PLB1: variants seen among roughly 807,000 people sequenced by gnomAD.
PLB1 encodes phospholipase B1, membrane-associated.
PLB1 carries 242 observed loss-of-function variants against 227.4 expected under a neutral mutation model. That is an observed-to-expected ratio of 1.06 (90% CI 0.96 to 1.18). The LOEUF is 1.18. PLB1 is among the 50% of genes most tolerant of loss of function. The pLI is 0.00. For synonymous variants in PLB1, 757 were observed against 682.2 expected (o/e 1.11, Z -1.71); for missense variants, 1,858 against 1,816.3 (o/e 1.02, Z -0.42).
chr2:28,531,368 A>G (rs1354086392), intron 8 of PLB1, among the ~76,000 whole-genome samples: 2 of 152,018 alleles, frequency 1.3e-5, no homozygotes, highest in Non-Finnish European at 2.9e-5. Context: ...CTGGAGTGCA[A>G]TGGTGCGATC....
chr2:28,638,301 G>A (rs1469446438), intron 56 of PLB1, among the ~76,000 whole-genome samples: 10 of 152,062 alleles, frequency 6.6e-5, no homozygotes, highest in Admixed American at 6.6e-4. Context: ...GGGTTGCCAG[G>A]CAGAGGAAAT....
intron 13 of PLB1, 100 bp from the exon 14 acceptor site, chr2:28,543,112 C>T: frequency 7.8e-7 from 1 of 1,287,642 alleles, no homozygotes; most frequent in South Asian, 1.4e-5. Context: ...ACAGATCAGG[C>T]TGCCCCAACT....
intron 13 of PLB1, among the ~76,000 whole-genome samples, chr2:28,542,176 C>T (rs1331246232): frequency 6.6e-6 from 1 of 151,910 alleles, no homozygotes; most frequent in Non-Finnish European, 1.5e-5. Flanking sequence ...GGGGAGGAGG[C>T]CTGGGCCATA....
chr2:28,606,334 G>A lies in PLB1; in HGVS notation c.3058-162G>A, dbSNP rs184328495. Among the ~76,000 whole-genome samples the A allele has an allele frequency of 6.4e-3, 982 of 152,334 alleles. 5 individuals are homozygous for A. Among genetic ancestry groups the A allele is most frequent in the Middle Eastern group, 0.014 (4 of 294 alleles). On this transcript the variant is annotated intron_variant, in intron 42 of 57. Coordinates refer to ENST00000327757, the MANE Select transcript of PLB1 (RefSeq NM_153021.5). ...CTACTCCCAGAGAAGCAAAGCGACT[G>A]GCCCAAAACCCCACGGCTGGCAACT...
chr2:28,550,060 GC>G lies in PLB1; in HGVS notation c.1060del (p.Gln354ArgfsTer9), dbSNP rs768731299. ...YRNSNYLTRL[Q>X]KPQDKLEVRE... ...GAAACAGCAACTACCTGACCAGACT[GC>G]AGAAACCCCAAGACAAGCTTGAGGT... On this transcript the variant is annotated frameshift_variant, in exon 16 of 58. Transcript: ENST00000327757. LOFTEE classifies it high-confidence loss of function. The G allele has an allele frequency of 6.2e-7, 1 of 1,612,986 alleles. No individual in the cohort carries two copies. Among genetic ancestry groups the G allele is most frequent in the South Asian group, 1.1e-5 (1 of 90,970 alleles).
chr2:28,634,592 G>A (rs1449662936), intron 56 of PLB1, among the ~76,000 whole-genome samples: 3 of 152,140 alleles, frequency 2.0e-5, no homozygotes, highest in Non-Finnish European at 1.5e-5. Flanking sequence ...AGAGTCCATT[G>A]GTTTCTTTTC....
intron 44 of PLB1, among the ~76,000 whole-genome samples, chr2:28,614,568 G>A (rs1043440954): frequency 1.3e-5 from 2 of 152,140 alleles, no homozygotes; most frequent in Admixed American, 6.5e-5. Context: ...TAGTGCTGAG[G>A]ATTCAGAGCC....
At chr2:28,623,650 T>G (rs1261189536) in intron 49 of PLB1, among the ~76,000 whole-genome samples, 1 of 152,196 alleles carries the variant, frequency 6.6e-6, no homozygotes, top group Non-Finnish European at 1.5e-5. Context: ...CCCAAAGATT[T>G]TCAGTGGCCA....
At chr2:28,534,671 T>C (rs774821968) in intron 9 of PLB1, among the ~76,000 whole-genome samples, 4 of 152,018 alleles carry the variant, frequency 2.6e-5, no homozygotes, top group Non-Finnish European at 1.5e-5. Flanking sequence ...CTGGCCAATA[T>C]GGTGAAACCC....
Position 28,503,499 on chromosome 2 carries a change from A to G in PLB1, c.55+7330A>G, listed in dbSNP as rs191408446. Among the ~76,000 whole-genome samples, 384 of 152,050 alleles carry G rather than the reference A, an allele frequency of 2.5e-3. 3 individuals are homozygous for G. The highest frequency in any genetic ancestry group is 8.7e-3 in the African/African-American group (362 of 41,462). Reference sequence around the variant, plus strand: ...GTTCTCTATTGAGGCATAGCAAACTACCCCCAAATCTCAGTGACTTACAGT... The same window carrying G: ...GTTCTCTATTGAGGCATAGCAAACTGCCCCCAAATCTCAGTGACTTACAGT... On this transcript the variant is annotated intron_variant, in intron 1 of 57. Coordinates refer to ENST00000327757, the MANE Select transcript of PLB1 (RefSeq NM_153021.5).
chr2:28,566,962 A>AG, intron 20 of PLB1, 123 bp downstream of exon 20: 1 of 937,532 alleles, frequency 1.1e-6, no homozygotes, highest in Non-Finnish European at 1.5e-6. Flanking sequence ...TAAATTCACC[A>AG]GGGGGCGCTG....
intron 32 of PLB1, among the ~76,000 whole-genome samples, 200 bp from the exon 33 acceptor site, chr2:28,593,481 C>G (rs111984682): frequency 3.9e-5 from 6 of 152,180 alleles, no homozygotes. Context: ...CTCAGCTCAG[C>G]GAGGAGGCAG....
intron 14 of PLB1, among the ~76,000 whole-genome samples, chr2:28,544,484 A>G (rs1028054247): frequency 1.3e-5 from 2 of 152,214 alleles, no homozygotes; most frequent in African/African-American, 4.8e-5. Flanking sequence ...AGGTACCACC[A>G]TACCACCTTG....
At chr2:28,533,451 A>G (rs1023831914) in intron 9 of PLB1, among the ~76,000 whole-genome samples, 3 of 152,196 alleles carry the variant, frequency 2.0e-5, no homozygotes, top group Non-Finnish European at 2.9e-5. Flanking sequence ...GTATGCATTC[A>G]TGCATTGACA....
intron 1 of PLB1, among the ~76,000 whole-genome samples, chr2:28,500,086 C>T (rs1166973691): frequency 6.6e-6 from 1 of 152,176 alleles, no homozygotes; most frequent in Non-Finnish European, 1.5e-5. Flanking sequence ...CTCCTTTTAT[C>T]TGCTAATGTT....
intron 5 of PLB1, 104 bp downstream of exon 5, chr2:28,525,411 T>G: frequency 7.7e-7 from 1 of 1,298,050 alleles, no homozygotes; most frequent in South Asian, 1.3e-5. Flanking sequence ...GGAGGCTCAG[T>G]GCCTTGCTCA....
intron 1 of PLB1, among the ~76,000 whole-genome samples, chr2:28,502,730 T>C (rs1667238148): frequency 6.6e-6 from 1 of 152,226 alleles, no homozygotes; most frequent in Admixed American, 6.5e-5. Context: ...TACCAATGTT[T>C]TACAGTCTCA....
In PLB1 at chr2:28,589,684, C is replaced by T; in HGVS notation, c.1930C>T (p.Pro644Ser). The T allele has an allele frequency of 1.2e-6, 2 of 1,614,018 alleles. No individual in the cohort carries two copies. Among genetic ancestry groups the T allele is most frequent in the Non-Finnish European group, 1.7e-6 (2 of 1,179,984 alleles). The change falls in exon 28 of 58, where the codon CCT (proline) becomes TCT (serine). Residue 644 changes from proline (P) to serine (S), a missense_variant. By Grantham distance (74) the Pro-to-Ser change is moderately conservative (BLOSUM62 -1). Transcript: ENST00000327757. ...VDMPKTSEGL[P>S]DNSFFAPDCF... ...TCTGCCCGGTGACCAGGAAGGATTG[C>T]CTGACAACTCTTTCTTCGCTCCTGA...
intron 23 of PLB1, 92 bp downstream of exon 23, chr2:28,579,799 G>A: frequency 9.2e-7 from 1 of 1,085,754 alleles, no homozygotes; most frequent in Non-Finnish European, 1.4e-6. Context: ...GTACAGCTAA[G>A]TTGGGACTCA....
Sources: allele counts gnomAD v4.1 joint callset (sites outside exome capture counted in the v4.1 genomes callset), GRCh38; gene constraint gnomAD v4.1.1; transcripts MANE v1.5; gene names NCBI Gene and HGNC (gene_info 2026-07-23, HGNC 2026-07-21).